Variants in ZNF385D observed in about 807,000 individuals in gnomAD.
ZNF385D encodes the protein zinc finger protein 385D, also known as zinc finger protein 659.
ZNF385D carries 15 observed loss-of-function variants against 35.8 expected under a neutral mutation model. The observed-to-expected ratio is 0.42, with a 90% confidence interval of 0.28 to 0.64. The LOEUF is 0.64. Ranked by LOEUF, ZNF385D falls within the 30% of genes least tolerant of loss-of-function variation. The pLI is 0.23. For synonymous variants in ZNF385D, 212 were observed against 186.8 expected, an observed-to-expected ratio of 1.13 and a Z score of -1.10; for missense variants, 474 against 494.6, an observed-to-expected ratio of 0.96 and a Z score of 0.39.
At chr3:21,645,280 A>G (rs569971963) in intron 2 of ZNF385D, among the ~76,000 whole-genome samples, 10 of 152,278 alleles carry the variant, frequency 6.6e-5, no homozygotes, top group Admixed American at 5.2e-4. Flanking sequence ...CTGATAAAAT[A>G]AACAGTTGTT....
Position 21,711,205 on chromosome 3 carries a change from C to A in ZNF385D, c.22+39690G>T, listed in dbSNP as rs547570632. ...TACAGGAGCCCACCATCACGCCCGG[C>A]TAATTTTTGGTATTTTTAGTAGAGT... On this transcript the variant is annotated intron_variant, in intron 1 of 7. Transcript: ENST00000281523. Among the ~76,000 whole-genome samples, 14 of 151,792 alleles carry A rather than the reference C, an allele frequency of 9.2e-5. 1 individual carries two copies. The East Asian group carries it at 2.7e-3, about 30-fold the overall frequency.
chr3:22,335,609 A>G (rs1695127861), intron 2 of ZNF385D, among the ~76,000 whole-genome samples: 1 of 152,152 alleles, frequency 6.6e-6, no homozygotes, highest in Non-Finnish European at 1.5e-5. Flanking sequence ...CCCTCACTGC[A>G]ACAGGTAATA....
chr3:21,814,991 C>A (rs950403275), intron 3 of ZNF385D, among the ~76,000 whole-genome samples: 4 of 152,192 alleles, frequency 2.6e-5, no homozygotes, highest in Non-Finnish European at 2.9e-5. Context: ...GTCTCTCAGA[C>A]CACAGTGTAG....
chr3:21,699,501 G>C (rs1346966324), intron 1 of ZNF385D, among the ~76,000 whole-genome samples: 3 of 151,924 alleles, frequency 2.0e-5, no homozygotes. Flanking sequence ...AAAAAAAAAT[G>C]AAATAAAGTA....
At chr3:22,034,600 A>G (rs1181882906) in intron 3 of ZNF385D, among the ~76,000 whole-genome samples, 2 of 152,218 alleles carry the variant, frequency 1.3e-5, no homozygotes, top group Non-Finnish European at 2.9e-5. Flanking sequence ...TATATTTAAG[A>G]CATTGTACAA....
intron 1 of ZNF385D, among the ~76,000 whole-genome samples, chr3:21,693,086 T>C (rs904711804): frequency 2.0e-5 from 3 of 152,210 alleles, no homozygotes; most frequent in South Asian, 2.1e-4. Context: ...GAGAACTCCT[T>C]GCCTACAATG....
At chr3:21,868,398 T>C (rs952622345) in intron 3 of ZNF385D, among the ~76,000 whole-genome samples, 3 of 152,150 alleles carry the variant, frequency 2.0e-5, no homozygotes, top group Non-Finnish European at 2.9e-5. Flanking sequence ...TGTGAGTATA[T>C]AGCTACTCTA....
chr3:22,274,853 A>G (rs1701350925), intron 2 of ZNF385D, among the ~76,000 whole-genome samples: 1 of 150,650 alleles, frequency 6.6e-6, no homozygotes, highest in Admixed American at 6.6e-5. Context: ...AATATTTTTT[A>G]CCTGAACTGA....
chr3:22,050,144 T>C (rs985953997), intron 3 of ZNF385D, among the ~76,000 whole-genome samples: 22 of 151,904 alleles, frequency 1.4e-4, no homozygotes, highest in Non-Finnish European at 2.6e-4. Flanking sequence ...CGCATGAGGA[T>C]TGTTTGAGCC....
chr3:21,628,434 C>G (rs2065192807), intron 2 of ZNF385D, among the ~76,000 whole-genome samples: 2 of 151,836 alleles, frequency 1.3e-5, no homozygotes, highest in South Asian at 4.1e-4. Flanking sequence ...TTAGGCAAGT[C>G]ATTTTTATTC....
At chr3:22,236,638 C>T (rs1699199993) in intron 2 of ZNF385D, among the ~76,000 whole-genome samples, 1 of 152,162 alleles carries the variant, frequency 6.6e-6, no homozygotes, top group Non-Finnish European at 1.5e-5. Context: ...GTTGTACAAT[C>T]ATCACCACTA....
chr3:22,264,814 A>G (rs1700813868), intron 2 of ZNF385D, among the ~76,000 whole-genome samples: 1 of 151,834 alleles, frequency 6.6e-6, no homozygotes, highest in South Asian at 2.1e-4. Flanking sequence ...CAAATGAAAC[A>G]ATGATTATCA....
intron 3 of ZNF385D, among the ~76,000 whole-genome samples, chr3:22,168,105 C>T (rs902088871): frequency 6.6e-6 from 1 of 152,134 alleles, no homozygotes; most frequent in Non-Finnish European, 1.5e-5. Flanking sequence ...TTATATTTAT[C>T]AAACATGAAA....
intron 3 of ZNF385D, among the ~76,000 whole-genome samples, chr3:21,818,141 A>C (rs2073235693): frequency 1.3e-5 from 2 of 151,326 alleles, no homozygotes; most frequent in South Asian, 4.2e-4. Flanking sequence ...GAATACTTGG[A>C]CACATGGTGG....
Position 22,191,194 on chromosome 3 carries a change from A to G in ZNF385D, c.107-22159T>C, listed in dbSNP as rs1008831330. On this transcript the variant is annotated intron_variant, in intron 2 of 5. Coordinates refer to the ZNF385D transcript ENST00000494108. ...TTAAATAGTGTGCCATATTGACCTT[A>G]TAAGACAACTTTGCAGCCGGGCGCG... 1.3e-4 allele frequency among the ~76,000 whole-genome samples: 19 copies of G among 149,272 alleles called. 1 individual carries two copies. The highest frequency in any genetic ancestry group is 7.2e-3 in the Middle Eastern group (2 of 278).
At position 22,241,149 on chromosome 3, in the gene ZNF385D, C is replaced by T. The variant is rs1040403937; in HGVS notation, c.107-72114G>A. 3.3e-5 allele frequency among the ~76,000 whole-genome samples: 5 copies of T among 151,056 alleles called. 1 individual carries two copies. In the South Asian group the frequency reaches 8.6e-4, roughly 26 times the overall value. On this transcript the variant is annotated intron_variant, in intron 2 of 5. Transcript: ENST00000494108. ...ATTATCCTTATTGTATTCTAAGAAA[C>T]CTTAACTAGCCCAACTGTACTGAAA...
At chr3:21,848,922 A>G (rs2125804405) in intron 3 of ZNF385D, among the ~76,000 whole-genome samples, 1 of 152,214 alleles carries the variant, frequency 6.6e-6, no homozygotes, top group South Asian at 2.1e-4. Flanking sequence ...TCTATCTTAG[A>G]ACATAGCCAT....
intron 3 of ZNF385D, among the ~76,000 whole-genome samples, chr3:21,761,953 A>G (rs1206635132): frequency 7.7e-6 from 1 of 129,210 alleles, no homozygotes; most frequent in African/African-American, 3.0e-5. Flanking sequence ...ATCTCGGCTC[A>G]CTGCAACCTC....
chr3:22,309,248 C>G (rs1703402309), intron 2 of ZNF385D, among the ~76,000 whole-genome samples: 1 of 151,572 alleles, frequency 6.6e-6, no homozygotes, highest in Admixed American at 6.6e-5. Context: ...ATCTTCAATT[C>G]TCTGTAGCTG....
Sources: allele counts gnomAD v4.1 joint callset (sites outside exome capture counted in the v4.1 genomes callset), GRCh38; gene constraint gnomAD v4.1.1; transcripts MANE v1.5; gene names NCBI Gene and HGNC (gene_info 2026-07-23, HGNC 2026-07-21).